ANP32A: variants seen among roughly 807,000 people sequenced by gnomAD.
ANP32A encodes the protein acidic nuclear phosphoprotein 32 family member A, also known as acidic leucine-rich nuclear phosphoprotein 32 family member A.
In ANP32A, 1 loss-of-function variant was observed where a neutral mutation model predicts 33.9. The ratio of observed to expected loss-of-function variants is 0.03; its 90% CI spans 0.01 to 0.14. The LOEUF is 0.14. Ranked by LOEUF, ANP32A falls within the 10% of genes least tolerant of loss-of-function variation. The pLI, the probability that ANP32A is intolerant of heterozygous loss-of-function variation, is 1.00. For synonymous variants in ANP32A, 115 were observed against 120.5 expected (o/e 0.95, Z 0.30); for missense variants, 155 against 306.0 (o/e 0.51, Z 3.68).
intron 1 of ANP32A, 71 bp downstream of exon 1, chr15:68,820,627 A>C (rs1315224601): frequency 1.1e-5 from 11 of 958,062 alleles, no homozygotes; most frequent in Non-Finnish European, 1.2e-5. Context: ...GCCTCCCCCC[A>C]GCGCGCACAC....
intron 5 of ANP32A, among the ~76,000 whole-genome samples, chr15:68,782,493 C>A (rs1232898559): frequency 1.3e-5 from 2 of 152,250 alleles, no homozygotes; most frequent in East Asian, 3.9e-4. Context: ...AGGAAAATGG[C>A]CAACTCCTGG....
chr15:68,811,063 G>GAAAA (rs34026847), intron 1 of ANP32A, among the ~76,000 whole-genome samples: 1 of 118,002 alleles, frequency 8.5e-6, no homozygotes, highest in Non-Finnish European at 1.7e-5. Flanking sequence ...CTCTGTCTGG[G>GAAAA]AAAAAAAAAA....
intron 1 of ANP32A, among the ~76,000 whole-genome samples, chr15:68,811,921 T>C (rs936592999): frequency 6.6e-6 from 1 of 152,004 alleles, no homozygotes; most frequent in Non-Finnish European, 1.5e-5. Context: ...TTTTGTATTT[T>C]TAGTAGAGAC....
intron 1 of ANP32A, among the ~76,000 whole-genome samples, chr15:68,815,658 G>A (rs14912): frequency 0.78 from 119,199 of 152,126 alleles, 51,443 homozygotes; most frequent in Non-Finnish European, 0.96. Context: ...TGCCTCTCAC[G>A]TGATTCTGGT....
chr15:68,806,905 G>A (rs909993069), intron 1 of ANP32A, among the ~76,000 whole-genome samples: 1 of 152,246 alleles, frequency 6.6e-6, no homozygotes, highest in Non-Finnish European at 1.5e-5. Context: ...CAAGAGGCTG[G>A]AGAACCACAT....
At chr15:68,805,056 T>C (rs558722497) in intron 1 of ANP32A, among the ~76,000 whole-genome samples, 4 of 152,314 alleles carry the variant, frequency 2.6e-5, no homozygotes, top group Non-Finnish European at 5.9e-5. Context: ...AACTGTGGGC[T>C]TCTCTCTCCC....
intron 1 of ANP32A, among the ~76,000 whole-genome samples, chr15:68,819,250 C>G (rs1234536307): frequency 6.6e-6 from 1 of 152,022 alleles, no homozygotes; most frequent in Non-Finnish European, 1.5e-5. Flanking sequence ...CAGCGCGTCC[C>G]CGGTCCCCCC....
At position 68,787,476 on chromosome 15, in the gene ANP32A, C is replaced by T. The variant is rs770857235; in HGVS notation, c.264G>A (p.Pro88=). ...GGLEVLAEKC[P]NLTHLNLSGN... ...CACTTAAATTTAGATGCGTGAGGTTCGGACACTTTTCTGCCAATACTTCCA... is the reference window on the plus strand; with the variant it reads ...CACTTAAATTTAGATGCGTGAGGTTTGGACACTTTTCTGCCAATACTTCCA... The change falls in exon 3 of 7, where the codon CCG becomes CCA. Residue 88 remains proline, a synonymous_variant. Coordinates refer to ENST00000465139, the MANE Select transcript of ANP32A (RefSeq NM_006305.4). 9.3e-6 allele frequency: 15 copies of T among 1,614,174 alleles called. 1 individual carries two copies. The highest frequency in any genetic ancestry group is 2.2e-5 in the South Asian group (2 of 91,088).
chr15:68,800,003 T>C (rs1015464149), intron 1 of ANP32A, among the ~76,000 whole-genome samples: 4 of 152,220 alleles, frequency 2.6e-5, no homozygotes, highest in Non-Finnish European at 4.4e-5. Flanking sequence ...TAGATCATTA[T>C]GGCTGTCTCA....
intron 1 of ANP32A, among the ~76,000 whole-genome samples, chr15:68,814,712 G>C (rs2140375084): frequency 6.6e-6 from 1 of 152,306 alleles, no homozygotes; most frequent in Middle Eastern, 3.4e-3. Flanking sequence ...GAAACTCAAA[G>C]CCACTATGCT....
chr15:68,798,284 C>A (rs1272612949), intron 1 of ANP32A, among the ~76,000 whole-genome samples: 1 of 152,140 alleles, frequency 6.6e-6, no homozygotes, highest in African/African-American at 2.4e-5. Context: ...ATTCAGAGAC[C>A]CAGGAGCTGG....
chr15:68,782,665 A>C (rs1893883912), intron 5 of ANP32A: 1 of 426,900 alleles, frequency 2.3e-6, no homozygotes, highest in East Asian at 4.3e-5. Flanking sequence ...GGGGCCATGC[A>C]TTCTGTACTT....
At chr15:68,785,566 G>A (rs1362128069) in intron 3 of ANP32A, among the ~76,000 whole-genome samples, 2 of 152,164 alleles carry the variant, frequency 1.3e-5, no homozygotes, top group African/African-American at 2.4e-5. Context: ...TTGAGACCTG[G>A]GTCATTCTCA....
intron 1 of ANP32A, chr15:68,790,270 C>T (rs749388737): frequency 3.3e-5 from 5 of 152,252 alleles, no homozygotes; most frequent in African/African-American, 7.2e-5. Context: ...TCCTTACTGC[C>T]GTTGGCCGAG....
intron 1 of ANP32A, chr15:68,801,809 A>T (rs1412342974): frequency 7.3e-6 from 1 of 137,552 alleles, no homozygotes; most frequent in Non-Finnish European, 1.6e-5. Flanking sequence ...TGGAGGAAGA[A>T]CCAACTGAGT....
At position 68,793,616 on chromosome 15, in the gene ANP32A, G is replaced by A. The variant is rs148510029; in HGVS notation, c.55-5697C>T. Among the ~76,000 whole-genome samples, 435 of 152,286 alleles carry A rather than the reference G, an allele frequency of 2.9e-3. 1 individual carries two copies. The highest frequency in any genetic ancestry group is 5.2e-3 in the Non-Finnish European group (354 of 68,020). On this transcript the variant is annotated intron_variant, in intron 1 of 6. Coordinates refer to ENST00000465139, the MANE Select transcript of ANP32A (RefSeq NM_006305.4). ...TGTGCCAGGTAGCAGGACTGGGGCC[G>A]GGCCAGGGTGCATTCTTCAAATGCC...
chr15:68,808,357 C>T (rs1243650384), intron 1 of ANP32A, among the ~76,000 whole-genome samples: 1 of 147,270 alleles, frequency 6.8e-6, no homozygotes, highest in African/African-American at 2.7e-5. Flanking sequence ...ACTAACCACA[C>T]ACCTTCTTCC....
At chr15:68,807,276 AG>A (rs1180177869) in intron 1 of ANP32A, among the ~76,000 whole-genome samples, 1 of 152,148 alleles carries the variant, frequency 6.6e-6, no homozygotes, top group African/African-American at 2.4e-5. Flanking sequence ...CTGCAGCCAG[AG>A]GGGAGTTTAA....
chr15:68,790,581 G>A (rs900730103), intron 1 of ANP32A: 6 of 152,172 alleles, frequency 3.9e-5, no homozygotes, highest in African/African-American at 1.2e-4. Flanking sequence ...TCAAGCACTC[G>A]CTAGGCACAC....
Sources: allele counts gnomAD v4.1 joint callset (sites outside exome capture counted in the v4.1 genomes callset), GRCh38; gene constraint gnomAD v4.1.1; transcripts MANE v1.5; gene names NCBI Gene and HGNC (gene_info 2026-07-23, HGNC 2026-07-21).